The following CRB1 variants were observed in gnomAD, a reference collection of about 807,000 sequenced individuals.
CRB1 encodes the protein crumbs cell polarity complex component 1.
CRB1 carries 83 observed loss-of-function variants against 120.0 expected under a neutral mutation model. That is an observed-to-expected ratio of 0.69 (90% confidence interval 0.58 to 0.83). The LOEUF is 0.83. Ranked by LOEUF, CRB1 falls within the 40% of genes least tolerant of loss-of-function variation. CRB1 has a pLI of 0.00. For missense variants in CRB1, 1,699 were observed against 1,687.6 expected (o/e 1.01, Z -0.12); for synonymous variants, 625 against 612.5 (o/e 1.02, Z -0.30).
intron 5 of CRB1, among the ~76,000 whole-genome samples, chr1:197,420,218 T>C (rs1012728934): frequency 1.3e-5 from 2 of 152,186 alleles, no homozygotes; most frequent in African/African-American, 4.8e-5. Context: ...ATTGTTACTC[T>C]TTGTTCATTT....
intron 5 of CRB1, among the ~76,000 whole-genome samples, chr1:197,380,346 C>T (rs1661887779): frequency 6.6e-6 from 1 of 152,140 alleles, no homozygotes; most frequent in African/African-American, 2.4e-5. Context: ...GTCTCAAATG[C>T]CCTTGAAATT....
intron 5 of CRB1, among the ~76,000 whole-genome samples, chr1:197,392,583 AAGAC>A (rs1317795902): frequency 6.6e-6 from 1 of 152,172 alleles, no homozygotes; most frequent in Non-Finnish European, 1.5e-5. Flanking sequence ...ATCTCAAGAA[AAGAC>A]CCAAGGAACT....
intron 5 of CRB1, among the ~76,000 whole-genome samples, chr1:197,376,364 AT>A (rs1296569634): frequency 1.3e-5 from 2 of 152,144 alleles, no homozygotes; most frequent in African/African-American, 4.8e-5. Flanking sequence ...TTATTTTTTT[AT>A]CTTCATGAAA....
chr1:197,297,314 A>G (rs2125247833), intron 1 of CRB1, among the ~76,000 whole-genome samples: 1 of 152,098 alleles, frequency 6.6e-6, no homozygotes, highest in Non-Finnish European at 1.5e-5. Context: ...AAATTGTGCT[A>G]TTATACATAT....
At chr1:197,352,131 A>C (rs992494871) in intron 4 of CRB1, among the ~76,000 whole-genome samples, 1 of 152,202 alleles carries the variant, frequency 6.6e-6, no homozygotes, top group African/African-American at 2.4e-5. Flanking sequence ...TAACAAACAT[A>C]ATATAAGAAC....
chr1:197,239,574 CAT>C, the CRB1 span, among the ~76,000 whole-genome samples: 1 of 151,836 alleles, frequency 6.6e-6, no homozygotes. Context: ...TCTATATTGT[CAT>C]AGTTTGTGTG....
chr1:197,420,214 A>G (rs2125466938), intron 5 of CRB1, among the ~76,000 whole-genome samples: 1 of 152,090 alleles, frequency 6.6e-6, no homozygotes, highest in Non-Finnish European at 1.5e-5. Context: ...TCTTATTGTT[A>G]CTCTTTGTTC....
the CRB1 span, among the ~76,000 whole-genome samples, chr1:197,243,397 C>A: frequency 6.6e-6 from 1 of 152,098 alleles, no homozygotes; most frequent in Non-Finnish European, 1.5e-5. Context: ...TCATTGGTTT[C>A]CAAGAACTTA....
intron 5 of CRB1, among the ~76,000 whole-genome samples, chr1:197,393,170 T>A (rs1571460236): frequency 6.6e-6 from 1 of 152,158 alleles, no homozygotes; most frequent in Admixed American, 6.5e-5. Context: ...TAAAAGCACA[T>A]GCAAAAGAGG....
At chr1:197,335,382 G>A (rs1659092920) in intron 2 of CRB1, among the ~76,000 whole-genome samples, 1 of 152,204 alleles carries the variant, frequency 6.6e-6, no homozygotes, top group African/African-American at 2.4e-5. Context: ...ATACACTGCA[G>A]GGGGCGATAA....
At chr1:197,323,357 A>G (rs915136034) in intron 1 of CRB1, among the ~76,000 whole-genome samples, 1 of 152,194 alleles carries the variant, frequency 6.6e-6, no homozygotes, top group African/African-American at 2.4e-5. Context: ...TTGAAATTAT[A>G]TCTGTTCGTT....
the CRB1 span, among the ~76,000 whole-genome samples, chr1:197,204,255 G>A: frequency 2.6e-5 from 4 of 152,136 alleles, no homozygotes; most frequent in Admixed American, 6.6e-5. Context: ...ACAAGCCTGC[G>A]TGTGCAAATA....
chr1:197,368,592 A>G (rs1661205082), intron 5 of CRB1, among the ~76,000 whole-genome samples: 1 of 152,188 alleles, frequency 6.6e-6, no homozygotes, highest in African/African-American at 2.4e-5. Flanking sequence ...TTAAAGGCTA[A>G]TATTTGGAAG....
At position 197,478,045 on chromosome 1, in the gene CRB1, C is replaced by G. The variant is rs548807439; in HGVS notation, c.*166C>G. 2.8e-6 allele frequency: 2 copies of G among 723,488 alleles called. No homozygotes were observed. Among genetic ancestry groups the G allele is most frequent in the African/African-American group, 3.5e-5 (2 of 57,180 alleles). The allele number at this position is 723,488 out of a possible 1,614,324, so 44.8% of individuals were successfully genotyped here. On this transcript the variant is annotated 3_prime_UTR_variant, in exon 12 of 12. Transcript: ENST00000367400. Reference sequence around the variant, plus strand: ...TAAAAACTTTCACAGTGGTTCCGCTCGACACCATTGTTTTATTATATTATA... The same window carrying G: ...TAAAAACTTTCACAGTGGTTCCGCTGGACACCATTGTTTTATTATATTATA...
Position 197,395,725 on chromosome 1 carries a change from T to A in CRB1, c.1172-25275T>A, listed in dbSNP as rs569367072. On this transcript the variant is annotated intron_variant, in intron 5 of 11. Coordinates refer to ENST00000367400, the MANE Select transcript of CRB1 (RefSeq NM_201253.3). ...AAAATTCAATTAATGTAATTCACCATGATAAAACAAAGAAGGAAATCTATG... is the reference window on the plus strand; with the variant it reads ...AAAATTCAATTAATGTAATTCACCAAGATAAAACAAAGAAGGAAATCTATG... Among the ~76,000 whole-genome samples, 13 of 152,206 alleles carry A rather than the reference T, an allele frequency of 8.5e-5. No homozygotes were observed. The South Asian group carries it at 2.7e-3, about 32-fold the overall frequency.
In CRB1 at chr1:197,442,295, A is replaced by AAGC. The variant is rs550852869; in HGVS notation, c.4005+7_4005+9dup. On this transcript the variant is annotated splice_donor_region_variant and intron_variant, in intron 11 of 11. Coordinates refer to ENST00000367400, the MANE Select transcript of CRB1 (RefSeq NM_201253.3). Reference sequence around the variant, plus strand: ...CTGGCGAGCGCTGCGAGGTGGACGTAAGCAGCCTCTCCTTTTATGTCTCTC... The same window carrying AAGC: ...CTGGCGAGCGCTGCGAGGTGGACGTAAGCAGCAGCCTCTCCTTTTATGTCTCTC... 1.9e-4 allele frequency: 310 copies of AAGC among 1,614,212 alleles called. No homozygotes were observed. The highest frequency in any genetic ancestry group is 1.2e-3 in the Middle Eastern group (7 of 6,062).
chr1:197,270,527 A>G (rs577909180), intron 1 of CRB1, among the ~76,000 whole-genome samples: 8 of 152,310 alleles, frequency 5.3e-5, no homozygotes, highest in African/African-American at 1.7e-4. Context: ...CTACTACATA[A>G]TGATGCTAGG....
chr1:197,419,363 CTTTT>C (rs68004200), intron 5 of CRB1, among the ~76,000 whole-genome samples: 12 of 127,264 alleles, frequency 9.4e-5, no homozygotes, highest in South Asian at 2.6e-4. Flanking sequence ...AGATTGGATT[CTTTT>C]TTTTTTTTTT....
intron 5 of CRB1, among the ~76,000 whole-genome samples, chr1:197,385,834 A>G (rs948460847): frequency 6.6e-6 from 1 of 152,012 alleles, no homozygotes; most frequent in East Asian, 1.9e-4. Context: ...TTAATGACCC[A>G]AAAATGATAG....
Sources: gnomAD v4.1 joint callset for allele counts (sites outside exome capture counted in the v4.1 genomes callset) on GRCh38, gnomAD v4.1.1 for gene constraint, MANE v1.5 for transcripts, NCBI Gene and HGNC (gene_info 2026-07-23, HGNC 2026-07-21) for gene names.